Variants in TIMP2 observed in about 807,000 individuals in gnomAD.
The protein encoded by TIMP2 is metalloproteinase inhibitor 2.
Under a neutral mutation model 24.3 loss-of-function variants are expected in TIMP2, and 5 were observed. The observed-to-expected ratio is 0.21, with a 90% CI of 0.11 to 0.43. The LOEUF (loss-of-function observed/expected upper bound fraction) is 0.43. Ranked by LOEUF, TIMP2 falls within the 20% of genes least tolerant of loss-of-function variation. The pLI is 1.00. For synonymous variants in TIMP2, 130 were observed against 123.2 expected (o/e 1.06, Z -0.37); for missense variants, 221 against 297.5 (o/e 0.74, Z 1.89).
intron 1 of TIMP2, among the ~76,000 whole-genome samples, chr17:78,905,212 G>T (rs1198563307): frequency 2.0e-5 from 3 of 151,918 alleles, no homozygotes; most frequent in African/African-American, 7.3e-5. Context: ...TGGGCCTCAG[G>T]CCTTTGGGCT....
intron 1 of TIMP2, among the ~76,000 whole-genome samples, chr17:78,923,465 T>C (rs1015431065): frequency 6.6e-6 from 1 of 151,472 alleles, no homozygotes; most frequent in African/African-American, 2.4e-5. Flanking sequence ...CAGGTCCTTT[T>C]ATCCACAGCC....
intron 1 of TIMP2, among the ~76,000 whole-genome samples, chr17:78,885,137 C>T (rs1254760861): frequency 6.6e-6 from 1 of 152,256 alleles, no homozygotes; most frequent in Admixed American, 6.5e-5. Flanking sequence ...GCGACCCACG[C>T]ACCACTGCTC....
intron 3 of TIMP2, among the ~76,000 whole-genome samples, chr17:78,858,816 C>T (rs1316338553): frequency 1.3e-5 from 2 of 152,140 alleles, no homozygotes; most frequent in African/African-American, 4.8e-5. Context: ...TGAGCCACCA[C>T]GCCTGGCCCC....
chr17:78,911,549 T>C (rs1480534939), intron 1 of TIMP2, among the ~76,000 whole-genome samples: 1 of 152,022 alleles, frequency 6.6e-6, no homozygotes, highest in Non-Finnish European at 1.5e-5. Flanking sequence ...TGCCTCAGCC[T>C]CCCGAGTAGC....
intron 3 of TIMP2, 98 bp from the exon 4 acceptor site, chr17:78,857,744 A>G: frequency 6.6e-7 from 1 of 1,518,696 alleles, no homozygotes. Flanking sequence ...ATTTCGTTGC[A>G]ACAATCCTGT....
chr17:78,915,048 C>T (rs2070244851), intron 1 of TIMP2, among the ~76,000 whole-genome samples: 1 of 151,838 alleles, frequency 6.6e-6, no homozygotes, highest in South Asian at 2.1e-4. Context: ...AGGTGCCCGC[C>T]ACCACGCCCA....
chr17:78,919,123 C>T (rs1319311549), intron 1 of TIMP2, among the ~76,000 whole-genome samples: 2 of 152,288 alleles, frequency 1.3e-5, no homozygotes, highest in Non-Finnish European at 2.9e-5. Context: ...GCAGCAGCAC[C>T]TGGAGAGTCC....
chr17:78,853,306 G>GTT lies in TIMP2; in HGVS notation c.*2360_*2361insAA, dbSNP rs1454415472. The GTT allele has an allele frequency of 2.1e-3, 319 of 152,744 alleles. 3 individuals carry two copies. Among genetic ancestry groups the GTT allele is most frequent in the Non-Finnish European group, 6.2e-4 (42 of 68,022 alleles). 9.5% of individuals were successfully genotyped at this position (152,744 alleles called of 1,614,324 possible). On this transcript the variant is annotated 3_prime_UTR_variant, in exon 5 of 5. Coordinates refer to ENST00000262768, the MANE Select transcript of TIMP2 (RefSeq NM_003255.5). ...CTTGCAGGATGAAAATAGGAGAAGA[G>GTT]AGCTGTGCTTAGAACATAACATATA...
intron 1 of TIMP2, chr17:78,900,883 G>T (rs1370131207): frequency 2.0e-5 from 3 of 152,284 alleles, no homozygotes; most frequent in African/African-American, 7.2e-5. Flanking sequence ...TGGGCCACCA[G>T]AAGGGCCAAC....
chr17:78,911,360 C>G (rs2070205219), intron 1 of TIMP2, among the ~76,000 whole-genome samples: 2 of 152,170 alleles, frequency 1.3e-5, no homozygotes, highest in Admixed American at 1.3e-4. Flanking sequence ...TCCAGGATCT[C>G]AACATTCTAG....
intron 1 of TIMP2, among the ~76,000 whole-genome samples, chr17:78,916,801 C>T (rs964073832): frequency 6.6e-6 from 1 of 152,220 alleles, no homozygotes; most frequent in Non-Finnish European, 1.5e-5. Context: ...CCTGGCCATA[C>T]TTTGTTCTAA....
rs1201207181 is a variant in TIMP2, at chr17:78,892,575, CT to C, written c.131-18657del. On this transcript the variant is annotated intron_variant, in intron 1 of 4. Coordinates refer to ENST00000262768, the MANE Select transcript of TIMP2 (RefSeq NM_003255.5). ...TGAGGACAGGCTGCAAAATGTGCCC[CT>C]CCAAGCTCTCTTGACCCGTGCCCAC... 16 of 1,438,182 alleles carry C rather than the reference CT, an allele frequency of 1.1e-5. No homozygotes were observed. In the Middle Eastern group the frequency reaches 7.7e-4, roughly 69 times the overall value. 89.1% of individuals were successfully genotyped at this position (1,438,182 alleles called of 1,614,324 possible).
chr17:78,921,330 G>A (rs1332183066), intron 1 of TIMP2, among the ~76,000 whole-genome samples: 1 of 152,228 alleles, frequency 6.6e-6, no homozygotes, highest in Non-Finnish European at 1.5e-5. Context: ...GATTTGCAGA[G>A]GACAGTTTCT....
chr17:78,883,118 C>T (rs1302664036), intron 1 of TIMP2, among the ~76,000 whole-genome samples: 2 of 152,224 alleles, frequency 1.3e-5, no homozygotes, highest in Non-Finnish European at 2.9e-5. Flanking sequence ...GAGGCCAGAC[C>T]CACCCTCAGG....
In TIMP2 at chr17:78,853,158, C is replaced by T. The variant is rs2069497853; in HGVS notation, c.*2509G>A. The T allele has an allele frequency of 6.6e-6, 1 of 152,536 alleles. No individual in the cohort carries two copies. The highest frequency in any genetic ancestry group is 1.5e-5 in the Non-Finnish European group (1 of 68,026). The allele number at this position is 152,536 out of a possible 1,614,324, so 9.4% of individuals were successfully genotyped here. A position where few individuals can be genotyped will look rare whatever the true frequency, so the allele number is the denominator to read the frequency against. Reference sequence around the variant, plus strand: ...ACAGTGCTCCCCTCCCCCAAAAATCCAAACGGAAACAAAATCAACAGAGCT... The same window carrying T: ...ACAGTGCTCCCCTCCCCCAAAAATCTAAACGGAAACAAAATCAACAGAGCT... On this transcript the variant is annotated 3_prime_UTR_variant, in exon 5 of 5. Coordinates refer to ENST00000262768, the MANE Select transcript of TIMP2 (RefSeq NM_003255.5).
At chr17:78,913,819 G>A (rs1320682060) in intron 1 of TIMP2, among the ~76,000 whole-genome samples, 1 of 150,382 alleles carries the variant, frequency 6.6e-6, no homozygotes, top group African/African-American at 2.5e-5. Flanking sequence ...TTAAACCCAG[G>A]AGGCGGAGGT....
chr17:78,924,165 ATGGCGCC>A lies in TIMP2; in HGVS notation c.130+787_130+793del, dbSNP rs1370578994. ...AACTGGGCCCCTCCTGCCTCCCTCC[ATGGCGCC>A]TGTCTTTTGGGGGCTAGGAGTCCGG... On this transcript the variant is annotated intron_variant, in intron 1 of 4. Coordinates refer to ENST00000262768, the MANE Select transcript of TIMP2 (RefSeq NM_003255.5). The surrounding 1 kb of genome is among the most constrained non-coding windows in gnomAD (Gnocchi z 5.3). 2.0e-5 allele frequency among the ~76,000 whole-genome samples: 3 copies of A among 152,086 alleles called. No homozygotes were observed. The highest frequency in any genetic ancestry group is 4.4e-5 in the Non-Finnish European group (3 of 67,984).
intron 1 of TIMP2, chr17:78,890,823 G>C: frequency 6.4e-7 from 1 of 1,550,592 alleles, no homozygotes; most frequent in South Asian, 1.2e-5. Flanking sequence ...TCCCTTTCCT[G>C]GGCTCTCGTG....
chr17:78,853,254 A>T lies in TIMP2; in HGVS notation c.*2413T>A, dbSNP rs1047228448. 2.0e-5 allele frequency: 3 copies of T among 152,654 alleles called. No individual in the cohort carries two copies. Among genetic ancestry groups the T allele is most frequent in the African/African-American group, 7.2e-5 (3 of 41,468 alleles). The allele number at this position is 152,654 out of a possible 1,614,324, so 9.5% of individuals were successfully genotyped here. A position where few individuals can be genotyped will look rare whatever the true frequency, so the allele number is the denominator to read the frequency against. On this transcript the variant is annotated 3_prime_UTR_variant, in exon 5 of 5. Transcript: ENST00000262768. ...AAAGATTTGAAAATAACTACAATGT[A>T]AACTTTATTTTAAATATTTTGAGTT...
Sources: gnomAD v4.1 joint callset for allele counts (sites outside exome capture counted in the v4.1 genomes callset) on GRCh38, gnomAD v4.1.1 for gene constraint, Gnocchi (gnomAD v3.1) non-coding constraint, MANE v1.5 for transcripts, NCBI Gene and HGNC (gene_info 2026-07-23, HGNC 2026-07-21) for gene names.